CPT2: variants seen among roughly 807,000 people sequenced by gnomAD.
CPT2 encodes the protein carnitine palmitoyltransferase 2.
In CPT2, 37 loss-of-function variants were observed where a neutral mutation model predicts 48.6. The ratio of observed to expected loss-of-function variants is 0.76; its 90% CI spans 0.59 to 1.00. The LOEUF (loss-of-function observed/expected upper bound fraction) is 1.00, where lower values mean the gene tolerates loss of function less well. CPT2 is among the 50% of genes least tolerant of loss of function. The probability of loss-of-function intolerance (pLI) is 0.00; values close to 1 mark genes in which losing one functional copy is unlikely to be tolerated. For missense variants in CPT2, 772 were observed against 825.6 expected (o/e 0.94, Z 0.80); for synonymous variants, 319 against 326.9 (o/e 0.98, Z 0.26).
intron 3 of CPT2, chr1:53,208,642 G>A (rs1645402275): frequency 6.6e-6 from 1 of 152,248 alleles, no homozygotes; most frequent in South Asian, 2.1e-4. Context: ...GAGCAATCAA[G>A]TATGATTGTT....
At chr1:53,200,849 G>A (rs751462793) in intron 2 of CPT2, 50 bp downstream of exon 2, 2 of 1,442,598 alleles carry the variant, frequency 1.4e-6, no homozygotes, top group African/African-American at 1.4e-5. Context: ...TTCAAGACAG[G>A]CTGGCAAGTA....
intron 1 of CPT2, among the ~76,000 whole-genome samples, chr1:53,199,328 A>G (rs1159640792): frequency 1.3e-5 from 2 of 152,040 alleles, no homozygotes; most frequent in African/African-American, 2.4e-5. Flanking sequence ...ATCTGGGACC[A>G]CAGGCATGCA....
At chr1:53,197,422 A>G (rs1049369926) in intron 1 of CPT2, 2 of 428,282 alleles carry the variant, frequency 4.7e-6, no homozygotes, top group Non-Finnish European at 8.6e-6. Flanking sequence ...CCAGACCTGC[A>G]TATTTCCAGC....
At position 53,211,222 on chromosome 1, in the gene CPT2, T is replaced by C. The variant is rs2100274748; in HGVS notation, c.1548T>C (p.Phe516=). 6.2e-7 allele frequency: 1 copy of C among 1,610,062 alleles called. No homozygotes were observed. The highest frequency in any genetic ancestry group is 1.3e-5 in the African/African-American group (1 of 74,960). The change falls in exon 4 of 5, where the codon TTT becomes TTC. Residue 516 remains phenylalanine, a synonymous_variant. Transcript: ENST00000371486. ...ATACAAAGAGGTGCTCTGAGGCCTT[T>C]GTCAGGGAGCCCTCCAGGCACAGTG... The part of the protein sequence containing the change: ...SVYTKRCSEA[F]VREPSRHSAG...
At position 53,211,251 on chromosome 1, in the gene CPT2, G is replaced by T; in HGVS notation, c.1577G>T (p.Gly526Val). Reference protein sequence around the residue: ...FVREPSRHSAGELQQMMVECS... With the variant: ...FVREPSRHSAVELQQMMVECS... ...AGGGAGCCCTCCAGGCACAGTGCTG[G>T]TGAGCTTCAGCAGATGATGGTTGAG... Residue 526 changes from glycine to valine, a missense_variant, in exon 4 of 5, where the codon GGT becomes GTT. Physicochemically the swap from Gly to Val is moderately radical, Grantham distance 109 (BLOSUM62 -3). Transcript: ENST00000371486. The T allele has an allele frequency of 6.2e-7, 1 of 1,612,512 alleles. No homozygotes were observed. Among genetic ancestry groups the T allele is most frequent in the South Asian group, 1.1e-5 (1 of 90,676 alleles).
chr1:53,205,857 G>A (rs548203442), intron 3 of CPT2, among the ~76,000 whole-genome samples: 51 of 152,346 alleles, frequency 3.3e-4, no homozygotes, highest in Non-Finnish European at 4.8e-4. Flanking sequence ...TGTTGGGCAT[G>A]CAGGTGTGCA....
rs1185736224 is a variant in CPT2, at chr1:53,211,289, C to T, written c.1615C>T (p.His539Tyr). The T allele has an allele frequency of 6.2e-7, 1 of 1,609,812 alleles. No individual in the cohort carries two copies. The highest frequency in any genetic ancestry group is 8.5e-7 in the Non-Finnish European group (1 of 1,178,028). The change falls in exon 4 of 5, where the codon CAT becomes TAT. Residue 539 changes from histidine to tyrosine, a missense_variant. His to Tyr is a moderately conservative substitution (Grantham distance 83). Coordinates refer to ENST00000371486, the MANE Select transcript of CPT2 (RefSeq NM_000098.3). The part of the protein sequence containing the change: ...QQMMVECSKY[H>Y]GQLTKEAAMG... Reference sequence around the variant, plus strand: ...GATGATGGTTGAGTGCTCCAAGTACCATGGCCAGCTGACCAAAGAAGCAGC... The same window carrying T: ...GATGATGGTTGAGTGCTCCAAGTACTATGGCCAGCTGACCAAAGAAGCAGC...
intron 3 of CPT2, chr1:53,209,453 A>G (rs190154895): frequency 6.1e-6 from 1 of 162,956 alleles, no homozygotes; most frequent in African/African-American, 2.4e-5. Flanking sequence ...TAGTATATCC[A>G]TATAATGGAA....
In CPT2 at chr1:53,213,708, C is replaced by T. The variant is rs1645446991; in HGVS notation, c.*113C>T. The stretch of plus-strand genomic sequence containing the variant: ...TTTTGAGAGGCTGAGGCGGGTGGAT[C>T]ACTTGAGGTCAGGAGTTTGAGACCA... On this transcript the variant is annotated 3_prime_UTR_variant, in exon 5 of 5. Transcript: ENST00000371486. The T allele has an allele frequency of 4.1e-6, 4 of 973,164 alleles. No homozygotes were observed. Among genetic ancestry groups the T allele is most frequent in the Non-Finnish European group, 6.3e-6 (4 of 636,538 alleles). 60.3% of individuals were successfully genotyped at this position (973,164 alleles called of 1,614,324 possible).
chr1:53,200,944 G>A (rs1416639471), intron 2 of CPT2, 145 bp downstream of exon 2: 2 of 722,412 alleles, frequency 2.8e-6, no homozygotes, highest in East Asian at 2.6e-5. Context: ...GCAAGTTCAG[G>A]AAATAGATTT....
intron 3 of CPT2, chr1:53,202,753 A>T: frequency 2.7e-6 from 1 of 366,476 alleles, no homozygotes; most frequent in Non-Finnish European, 5.3e-6. Flanking sequence ...ACTGTCAGAC[A>T]GAACTGTCCT....
chr1:53,203,049 T>G (rs1219057972), intron 3 of CPT2: 6 of 154,428 alleles, frequency 3.9e-5, no homozygotes, highest in Non-Finnish European at 5.8e-5. Context: ...ATGCATATAG[T>G]TTAAAGAATC....
chr1:53,210,966 A>T lies in CPT2; in HGVS notation c.1292A>T (p.Lys431Met). ...DALKTGITAA[K>M]EKFDATMKTL... ...TTAAAGACTGGCATCACAGCTGCTAAGGAAAAGTTTGATGCCACCATGAAA... is the reference window on the plus strand; with the variant it reads ...TTAAAGACTGGCATCACAGCTGCTATGGAAAAGTTTGATGCCACCATGAAA... The change falls in exon 4 of 5, where the codon AAG becomes ATG. Residue 431 changes from lysine (K) to methionine (M), a missense_variant. Coordinates refer to ENST00000371486, the MANE Select transcript of CPT2 (RefSeq NM_000098.3). 1 of 1,614,226 alleles carries T rather than the reference A, an allele frequency of 6.2e-7. No homozygotes were observed. The highest frequency in any genetic ancestry group is 8.5e-7 in the Non-Finnish European group (1 of 1,180,040).
chr1:53,198,423 A>G (rs535369892), intron 1 of CPT2, among the ~76,000 whole-genome samples: 209 of 152,296 alleles, frequency 1.4e-3, no homozygotes, highest in African/African-American at 5.0e-3. Context: ...CATTTTGTGC[A>G]AACATCTAAG....
Position 53,200,632 on chromosome 1 carries a change from G to T in CPT2, c.153-87G>T, listed in dbSNP as rs1645348560. ...ATTGGTTTTGGGGGAGGAAATTAAT[G>T]ATCTAGTAATCAGTTCATTAGCTTG... On this transcript the variant is annotated intron_variant, in intron 1 of 4. Coordinates refer to ENST00000371486, the MANE Select transcript of CPT2 (RefSeq NM_000098.3). The T allele has an allele frequency of 5.9e-6, 6 of 1,015,566 alleles. No homozygotes were observed. The South Asian group carries it at 7.6e-5, about 13-fold the overall frequency. The allele number at this position is 1,015,566 out of a possible 1,614,324, so 62.9% of individuals were successfully genotyped here. A position where few individuals can be genotyped will look rare whatever the true frequency, so the allele number is the denominator to read the frequency against.
chr1:53,200,625 A>C, intron 1 of CPT2, 94 bp from the exon 2 acceptor site: 1 of 989,162 alleles, frequency 1.0e-6, no homozygotes, highest in Non-Finnish European at 1.6e-6. Flanking sequence ...TGGGGGAGGA[A>C]ATTAATGATC....
chr1:53,209,335 G>C lies in CPT2; in HGVS notation c.341-680G>C, dbSNP rs576259058. 1.3e-3 allele frequency: 196 copies of C among 153,414 alleles called. 5 individuals are homozygous for C. The South Asian group carries it at 0.029, about 23-fold the overall frequency. The allele number at this position is 153,414 out of a possible 1,614,324, so 9.5% of individuals were successfully genotyped here. ...GATCATACCACTGCAATCCAGCCTGGATGATAGAAATCCTGTGTCTCTTAA... is the reference window on the plus strand; with the variant it reads ...GATCATACCACTGCAATCCAGCCTGCATGATAGAAATCCTGTGTCTCTTAA... On this transcript the variant is annotated intron_variant, in intron 3 of 4. Coordinates refer to ENST00000371486, the MANE Select transcript of CPT2 (RefSeq NM_000098.3).
intron 1 of CPT2, among the ~76,000 whole-genome samples, chr1:53,199,583 A>C (rs890073856): frequency 3.3e-5 from 5 of 152,240 alleles, no homozygotes; most frequent in Non-Finnish European, 4.4e-5. Flanking sequence ...GTAAACTTTC[A>C]TGAATATTCC....
At chr1:53,197,780 C>T (rs890390122) in intron 1 of CPT2, among the ~76,000 whole-genome samples, 1 of 152,090 alleles carries the variant, frequency 6.6e-6, no homozygotes, top group Non-Finnish European at 1.5e-5. Context: ...GGTTCCTCCC[C>T]TCAAAATATC....
Sources: gnomAD v4.1 joint callset for allele counts (sites outside exome capture counted in the v4.1 genomes callset) on GRCh38, gnomAD v4.1.1 for gene constraint, MANE v1.5 for transcripts, NCBI Gene and HGNC (gene_info 2026-07-23, HGNC 2026-07-21) for gene names.